The following RBBP9 variants were observed in gnomAD, a reference collection of about 807,000 sequenced individuals.
The protein encoded by RBBP9 is serine hydrolase RBBP9.
RBBP9 carries 20 observed loss-of-function variants against 24.2 expected under a neutral mutation model. The ratio of observed to expected loss-of-function variants is 0.83; its 90% confidence interval spans 0.58 to 1.20. The LOEUF (loss-of-function observed/expected upper bound fraction) is 1.20, where lower values mean the gene tolerates loss of function less well. Ranked by LOEUF, RBBP9 falls within the 50% of genes most tolerant of loss-of-function variation. The pLI is 0.00. For missense variants in RBBP9, 234 were observed against 233.6 expected (o/e 1.00, Z -0.01); for synonymous variants, 74 against 84.6 (o/e 0.87, Z 0.69).
chr20:18,491,801 A>G (rs1001425308), intron 3 of RBBP9, among the ~76,000 whole-genome samples: 5 of 152,156 alleles, frequency 3.3e-5, no homozygotes, highest in Non-Finnish European at 7.3e-5. Flanking sequence ...AAACGTTGAA[A>G]GAACAAGCAC....
chr20:18,490,364 G>C, intron 4 of RBBP9, 31 bp downstream of exon 4: 1 of 1,549,394 alleles, frequency 6.5e-7, no homozygotes. Context: ...CTAGAGAAGG[G>C]CTTTGCTCAG....
intron 1 of RBBP9, 60 bp downstream of exon 1, chr20:18,497,009 C>T: frequency 1.4e-6 from 2 of 1,431,066 alleles, no homozygotes; most frequent in African/African-American, 1.4e-5. Flanking sequence ...AGCCCTCAGT[C>T]CTCTCCCGCC....
rs779378808 is a variant in RBBP9 at position 18,493,935 on chromosome 20, TAGC to T, written c.248+20_248+22del. ...GCATGACTGGAGCCCACAAAGGGGA[TAGC>T]AGTTTAACAAAGATCGCACCTCATG... is the stretch of plus-strand genomic sequence containing the variant. On this transcript the variant is annotated intron_variant, in intron 3 of 4. Coordinates refer to ENST00000337227, the MANE Select transcript of RBBP9 (RefSeq NM_006606.3). 37 of 1,557,280 alleles carry T rather than the reference TAGC, an allele frequency of 2.4e-5. No individual in the cohort carries two copies. Among genetic ancestry groups the T allele is most frequent in the Non-Finnish European group, 3.2e-5 (36 of 1,141,326 alleles).
At chr20:18,495,425 C>T (rs1210916736) in intron 2 of RBBP9, among the ~76,000 whole-genome samples, 5 of 150,254 alleles carry the variant, frequency 3.3e-5, no homozygotes, top group Non-Finnish European at 7.4e-5. Context: ...TCCCTAATCT[C>T]AAGTACCCAG....
intron 4 of RBBP9, among the ~76,000 whole-genome samples, 162 bp downstream of exon 4, chr20:18,490,233 A>T (rs2059860372): frequency 6.6e-6 from 1 of 152,208 alleles, no homozygotes; most frequent in Non-Finnish European, 1.5e-5. Flanking sequence ...GCTTGGGAAG[A>T]AATCAAAGTG....
At chr20:18,495,560 C>T (rs971915668) in intron 2 of RBBP9, among the ~76,000 whole-genome samples, 251 of 139,008 alleles carry the variant, frequency 1.8e-3, no homozygotes, top group Admixed American at 3.7e-3. Flanking sequence ...TCCCCCTCTG[C>T]GAGAAACACC....
chr20:18,494,570 A>T (rs1289942766), intron 2 of RBBP9, among the ~76,000 whole-genome samples: 1 of 152,030 alleles, frequency 6.6e-6, no homozygotes, highest in African/African-American at 2.4e-5. Flanking sequence ...AATCCCAGCT[A>T]CTTGGGAGGC....
Position 18,487,593 on chromosome 20 carries a change from T to A in RBBP9, c.*2171A>T, listed in dbSNP as rs1183146228. The A allele has an allele frequency of 1.3e-5, 2 of 152,206 alleles. No homozygotes were observed. The highest frequency in any genetic ancestry group is 2.9e-5 in the Non-Finnish European group (2 of 68,042). The allele number at this position is 152,206 out of a possible 1,614,324, so 9.4% of individuals were successfully genotyped here. The stretch of plus-strand genomic sequence containing the variant: ...TAGTAGTCAAATACATTGTTTTAAA[T>A]CTTAATTATTTTTGATTATAAAATA... On this transcript the variant is annotated 3_prime_UTR_variant, in exon 5 of 5. Transcript: ENST00000337227.
chr20:18,490,153 A>C (rs750326164), intron 4 of RBBP9, among the ~76,000 whole-genome samples, 163 bp from the exon 5 acceptor site: 1 of 152,198 alleles, frequency 6.6e-6, no homozygotes, highest in African/African-American at 2.4e-5. Context: ...TTGATACCAC[A>C]GTTACTCGTG....
chr20:18,490,351 T>A, intron 4 of RBBP9, 44 bp downstream of exon 4: 1 of 1,458,766 alleles, frequency 6.9e-7, no homozygotes, highest in Non-Finnish European at 9.6e-7. Flanking sequence ...GACAGCCCCA[T>A]GTCTAGAGAA....
At chr20:18,493,431 G>A (rs2059872674) in intron 3 of RBBP9, among the ~76,000 whole-genome samples, 1 of 152,186 alleles carries the variant, frequency 6.6e-6, no homozygotes, top group African/African-American at 2.4e-5. Flanking sequence ...AAAAAGTGCT[G>A]CAGATAATAA....
chr20:18,495,844 C>T lies in RBBP9; in HGVS notation c.136G>A (p.Asp46Asn), dbSNP rs1444081102. The change falls in exon 2 of 5, where the codon GAC becomes AAC. Residue 46 changes from aspartate to asparagine, a missense_variant. Coordinates refer to ENST00000337227, the MANE Select transcript of RBBP9 (RefSeq NM_006606.3). ...GFQCLAKNMPDPITARESIWL... is the reference protein window; with the variant it reads ...GFQCLAKNMPNPITARESIWL... Reference sequence around the variant, plus strand: ...AAACAAGTTTAAAACTTACTTGGGTCGGGCATGTTTTTAGCCAAACACTGG... The same window carrying T: ...AAACAAGTTTAAAACTTACTTGGGTTGGGCATGTTTTTAGCCAAACACTGG... 8 of 1,568,760 alleles carry T rather than the reference C, an allele frequency of 5.1e-6. No individual in the cohort carries two copies. Among genetic ancestry groups the T allele is most frequent in the East Asian group, 4.5e-5 (2 of 44,380 alleles).
intron 3 of RBBP9, among the ~76,000 whole-genome samples, chr20:18,493,420 T>TA (rs979767567): frequency 1.1e-4 from 16 of 152,062 alleles, no homozygotes; most frequent in African/African-American, 3.9e-4. Context: ...TGTCAGATGG[T>TA]AAAAAGTGCT....
At chr20:18,491,839 G>A (rs980767014) in intron 3 of RBBP9, among the ~76,000 whole-genome samples, 2 of 151,968 alleles carry the variant, frequency 1.3e-5, no homozygotes, top group African/African-American at 4.8e-5. Flanking sequence ...GCTCACACCT[G>A]TAATCCCAGC....
chr20:18,494,073 C>A lies in RBBP9; in HGVS notation c.143-10G>T, dbSNP rs1380494483. 1.2e-6 allele frequency: 2 copies of A among 1,608,462 alleles called. No homozygotes were observed. The highest frequency in any genetic ancestry group is 2.2e-5 in the South Asian group (2 of 90,720). On this transcript the variant is annotated splice_polypyrimidine_tract_variant and intron_variant, in intron 2 of 4. Coordinates refer to ENST00000337227, the MANE Select transcript of RBBP9 (RefSeq NM_006606.3). ...CTCTCTCGTGCTGTAACTTAAGGTT[C>A]AGGGTAAAGAAAAAGTCTGTCATTT...
chr20:18,491,902 G>A (rs1277791486), intron 3 of RBBP9, among the ~76,000 whole-genome samples: 1 of 151,930 alleles, frequency 6.6e-6, no homozygotes. Flanking sequence ...TTCAAGACCA[G>A]CCTGACCAAT....
At position 18,489,676 on chromosome 20, in the gene RBBP9, C is replaced by T; in HGVS notation, c.*88G>A. The T allele has an allele frequency of 1.2e-6, 1 of 847,112 alleles. No homozygotes were observed. The highest frequency in any genetic ancestry group is 1.8e-6 in the Non-Finnish European group (1 of 542,144). The allele number at this position is 847,112 out of a possible 1,614,324, so 52.5% of individuals were successfully genotyped here. A position where few individuals can be genotyped will look rare whatever the true frequency, so the allele number is the denominator to read the frequency against. ...TTTTTCAGGCACTTACGGAACTTAA[C>T]TGGATGTTCTATGTGTCTAGTAATC... On this transcript the variant is annotated 3_prime_UTR_variant, in exon 5 of 5. Transcript: ENST00000337227.
Position 18,493,998 on chromosome 20 carries a change from T to C in RBBP9, c.208A>G (p.Ile70Val). Residue 70 changes from isoleucine (I) to valine (V), a missense_variant, in exon 3 of 5, where the codon ATC (isoleucine) becomes GTC (valine). By Grantham distance (29) the Ile-to-Val change is conservative. Transcript: ENST00000337227. ...ETELHCDEKT[I>V]IIGHSSGAIA... ...GCCCCAGAACTGTGGCCAATGATGA[T>C]AGTCTTCTCATCACAGTGCAGCTCT... 6.2e-7 allele frequency: 1 copy of C among 1,613,352 alleles called. No homozygotes were observed. Among genetic ancestry groups the C allele is most frequent in the Non-Finnish European group, 8.5e-7 (1 of 1,179,824 alleles).
intron 2 of RBBP9, among the ~76,000 whole-genome samples, chr20:18,495,620 TAAAA>T (rs1390435885): frequency 5.1e-5 from 2 of 39,444 alleles, no homozygotes; most frequent in Admixed American, 5.2e-4. Context: ...AATAAATAAA[TAAAA>T]ATGACAAATT....
Sources: gnomAD v4.1 joint callset for allele counts (sites outside exome capture counted in the v4.1 genomes callset) on GRCh38, gnomAD v4.1.1 for gene constraint, MANE v1.5 for transcripts, NCBI Gene and HGNC (gene_info 2026-07-23, HGNC 2026-07-21) for gene names.